Variants in ROBO1 observed in about 807,000 individuals in gnomAD.
ROBO1 encodes roundabout guidance receptor 1, also known as roundabout homolog 1.
ROBO1 carries 149 observed loss-of-function variants against 195.9 expected under a neutral mutation model. That is an observed-to-expected ratio of 0.76 (90% CI 0.67 to 0.87). The LOEUF is 0.87. ROBO1 is among the 40% of genes least tolerant of loss of function. ROBO1 has a pLI of 0.00. For synonymous variants in ROBO1, 816 were observed against 733.2 expected, an observed-to-expected ratio of 1.11 and a Z score of -1.82; for missense variants, 1,933 against 2,068.3, an observed-to-expected ratio of 0.93 and a Z score of 1.27.
At chr3:79,392,765 A>G (rs1378504395) in intron 2 of ROBO1, among the ~76,000 whole-genome samples, 1 of 152,222 alleles carries the variant, frequency 6.6e-6, no homozygotes, top group Non-Finnish European at 1.5e-5. Context: ...TATATCATCA[A>G]ATAAAACAAT....
chr3:78,647,079 C>G (rs1402332148), intron 20 of ROBO1, among the ~76,000 whole-genome samples: 1 of 151,918 alleles, frequency 6.6e-6, no homozygotes, highest in South Asian at 2.1e-4. Context: ...CACAACTACA[C>G]GTACATCTTT....
chr3:78,953,047 G>A lies in ROBO1; in HGVS notation c.173-14120C>T, dbSNP rs999038171. Among the ~76,000 whole-genome samples, 4 of 151,956 alleles carry A rather than the reference G, an allele frequency of 2.6e-5. No homozygotes were observed. In the East Asian group the frequency reaches 5.8e-4, roughly 22 times the overall value. On this transcript the variant is annotated intron_variant, in intron 3 of 30. Transcript: ENST00000464233. ...AATATCGTATGGCTATGTCCCCAGA[G>A]ATATGAAAAAGATTGGCAGTAGCAT...
At chr3:78,806,144 TA>T (rs1461150978) in intron 4 of ROBO1, among the ~76,000 whole-genome samples, 1 of 152,028 alleles carries the variant, frequency 6.6e-6, no homozygotes, top group East Asian at 1.9e-4. Context: ...TTTTAAGTTT[TA>T]TTTTTTTTTT....
At chr3:79,537,035 A>AT (rs1329507915) in intron 2 of ROBO1, among the ~76,000 whole-genome samples, 2 of 100,686 alleles carry the variant, frequency 2.0e-5, no homozygotes, top group Non-Finnish European at 4.6e-5. Context: ...AAAAGAAACA[A>AT]TATTTTTTTT....
intron 2 of ROBO1, among the ~76,000 whole-genome samples, chr3:79,159,492 A>C (rs2080917383): frequency 6.6e-6 from 1 of 151,990 alleles, no homozygotes; most frequent in Non-Finnish European, 1.5e-5. Flanking sequence ...ATTAAATAGT[A>C]CAGGTGACCA....
At chr3:79,113,665 G>T (rs75570185) in intron 3 of ROBO1, among the ~76,000 whole-genome samples, 12,815 of 152,046 alleles carry the variant, frequency 0.084, 789 homozygotes, top group East Asian at 0.19. Flanking sequence ...TACTTGGGAG[G>T]CTGAGGCAGG....
intron 4 of ROBO1, among the ~76,000 whole-genome samples, chr3:78,849,075 T>C (rs1333988901): frequency 1.3e-5 from 2 of 152,090 alleles, no homozygotes; most frequent in African/African-American, 4.8e-5. Flanking sequence ...GGGATTGAAG[T>C]TGAGCAAATA....
chr3:79,380,506 A>C (rs142677314), intron 2 of ROBO1, among the ~76,000 whole-genome samples: 52 of 152,286 alleles, frequency 3.4e-4, no homozygotes, highest in Middle Eastern at 3.4e-3. Flanking sequence ...AATTTTGAAC[A>C]ATCTCCACTG....
intron 1 of ROBO1, among the ~76,000 whole-genome samples, chr3:79,637,522 A>G (rs185626708): frequency 1.3e-5 from 2 of 152,266 alleles, no homozygotes; most frequent in Admixed American, 1.3e-4. Context: ...AATATTATAA[A>G]AAGTTTGAAA....
Position 78,617,865 on chromosome 3 carries a change from A to G in ROBO1, c.4052T>C (p.Leu1351Pro). The change falls in exon 27 of 31, where the codon CTT becomes CCT. Residue 1351 changes from leucine (L) to proline (P), a missense_variant. Around this residue, in one of 3 missense-constraint regions of ROBO1, gnomAD observed 1,737 missense variants for 1,882.5 expected, o/e 0.92. Coordinates refer to ENST00000464233, the MANE Select transcript of ROBO1 (RefSeq NM_002941.4). Reference sequence around the variant, plus strand: ...AACACTGGAGGCAGGTGTCTGCTCAAGCCCACGTAACAAAAGCCTTCTGGT... The same window carrying G: ...AACACTGGAGGCAGGTGTCTGCTCAGGCCCACGTAACAAAAGCCTTCTGGT... ...MQTRRLLLRG[L>P]EQTPASSVGD... 1 of 1,613,972 alleles carries G rather than the reference A, an allele frequency of 6.2e-7. No homozygotes were observed. The highest frequency in any genetic ancestry group is 8.5e-7 in the Non-Finnish European group (1 of 1,179,892).
intron 3 of ROBO1, among the ~76,000 whole-genome samples, chr3:79,019,844 CT>C (rs1432289313): frequency 6.6e-6 from 1 of 151,980 alleles, no homozygotes; most frequent in Non-Finnish European, 1.5e-5. Flanking sequence ...ACTCTCACTT[CT>C]CCCCATTCCC....
At chr3:78,816,991 AAT>A (rs1039362538) in intron 4 of ROBO1, among the ~76,000 whole-genome samples, 5 of 152,046 alleles carry the variant, frequency 3.3e-5, no homozygotes, top group Non-Finnish European at 7.4e-5. Flanking sequence ...TAATAAAAAA[AAT>A]AAAATAAAAT....
chr3:79,019,168 GC>G, intron 3 of ROBO1: 1 of 986,492 alleles, frequency 1.0e-6, no homozygotes, highest in Non-Finnish European at 1.2e-6. Context: ...TCTTCTGGGC[GC>G]CCCCAGCCCC....
At position 78,810,449 on chromosome 3, in the gene ROBO1, G is replaced by T. The variant is rs147459538; in HGVS notation, c.500-63549C>A. Among the ~76,000 whole-genome samples, 517 of 152,180 alleles carry T rather than the reference G, an allele frequency of 3.4e-3. 4 individuals are homozygous for T. Among genetic ancestry groups the T allele is most frequent in the African/African-American group, 0.012 (485 of 41,536 alleles). ...AAAAAAAATTCTCTTAGAAACTGAT[G>T]GAGGGTGGTTTTCATTATTGAAGGA... On this transcript the variant is annotated intron_variant, in intron 4 of 30. Transcript: ENST00000464233.
At chr3:79,551,660 A>G (rs994017623) in intron 2 of ROBO1, among the ~76,000 whole-genome samples, 1 of 152,080 alleles carries the variant, frequency 6.6e-6, no homozygotes, top group Non-Finnish European at 1.5e-5. Flanking sequence ...TTATGCTCCT[A>G]TCCTTGATGT....
intron 4 of ROBO1, among the ~76,000 whole-genome samples, chr3:78,854,895 G>A (rs571270380): frequency 4.7e-4 from 71 of 152,068 alleles, no homozygotes; most frequent in Non-Finnish European, 9.3e-4. Flanking sequence ...GAGTTTTCCA[G>A]GGAACCAAAA....
chr3:79,154,517 G>A (rs1210316955), intron 2 of ROBO1, among the ~76,000 whole-genome samples: 1 of 151,684 alleles, frequency 6.6e-6, no homozygotes, highest in Non-Finnish European at 1.5e-5. Context: ...CTAAAGTATG[G>A]CATGAAACAA....
chr3:79,755,806 C>A (rs573753052), intron 1 of ROBO1, among the ~76,000 whole-genome samples: 1 of 152,316 alleles, frequency 6.6e-6, no homozygotes, highest in South Asian at 2.1e-4. Context: ...CCATAATCTG[C>A]AATTCACGAT....
chr3:78,884,449 CA>C (rs1003463432), intron 4 of ROBO1, among the ~76,000 whole-genome samples: 2 of 150,858 alleles, frequency 1.3e-5, no homozygotes, highest in East Asian at 3.9e-4. Flanking sequence ...TTGTCCTCTG[CA>C]AAAAAAATTC....
Sources: gnomAD v4.1 joint callset for allele counts (sites outside exome capture counted in the v4.1 genomes callset) on GRCh38, gnomAD v4.1.1 for gene constraint, gnomAD v4.1.1 regional missense constraint, MANE v1.5 for transcripts, NCBI Gene and HGNC (gene_info 2026-07-23, HGNC 2026-07-21) for gene names.